FILIP1: variants seen among roughly 807,000 people sequenced by gnomAD.
FILIP1 encodes the protein filamin-A-interacting protein 1.
In FILIP1, 61 loss-of-function variants were observed where a neutral mutation model predicts 102.1. The observed-to-expected ratio is 0.60, with a 90% confidence interval of 0.49 to 0.74. FILIP1 has a LOEUF of 0.74. Among genes scored for constraint, FILIP1 ranks in the 30% least tolerant of loss-of-function variants. The probability of loss-of-function intolerance (pLI) is 0.00; values close to 1 mark genes in which losing one functional copy is unlikely to be tolerated. For missense variants in FILIP1, 1,314 were observed against 1,441.2 expected (o/e 0.91, Z 1.43); for synonymous variants, 491 against 526.9 (o/e 0.93, Z 0.93).
At chr6:75,388,317 T>C (rs762561902) in intron 2 of FILIP1, among the ~76,000 whole-genome samples, 16 of 152,232 alleles carry the variant, frequency 1.1e-4, no homozygotes, top group Non-Finnish European at 2.2e-4. Flanking sequence ...GATAGCGTGA[T>C]GCCTCCAGCT....
At chr6:75,367,444 T>G (rs1406905837) in intron 2 of FILIP1, 1 of 152,216 alleles carries the variant, frequency 6.6e-6, no homozygotes, top group Non-Finnish European at 1.5e-5. Flanking sequence ...AAGACCAGCC[T>G]GGCCAACATA....
chr6:75,373,885 T>C (rs1447433289), intron 2 of FILIP1, among the ~76,000 whole-genome samples: 2 of 152,130 alleles, frequency 1.3e-5, no homozygotes, highest in Non-Finnish European at 2.9e-5. Flanking sequence ...GGCCTGTGCC[T>C]GTATTCCCAG....
intron 2 of FILIP1, among the ~76,000 whole-genome samples, chr6:75,393,430 T>TA (rs1222158099): frequency 1.3e-5 from 2 of 152,136 alleles, no homozygotes; most frequent in Non-Finnish European, 2.9e-5. Context: ...ATCTTTTAAG[T>TA]AAAAAGCCAA....
Position 75,328,573 on chromosome 6 carries a change from C to T in FILIP1, c.630-13371G>A, listed in dbSNP as rs535108911. ...CAGTGACATGATCTCACTGCAACTT[C>T]GGCCTCCCGGGTTTAAGCAATTCTC... On this transcript the variant is annotated intron_variant, in intron 4 of 5. Coordinates refer to ENST00000237172, the MANE Select transcript of FILIP1 (RefSeq NM_015687.5). Among the ~76,000 whole-genome samples the T allele has an allele frequency of 5.3e-5, 8 of 152,312 alleles. No homozygotes were observed. The East Asian group carries it at 7.7e-4, about 15-fold the overall frequency.
rs66500271 is a variant in FILIP1 at position 75,476,240 on chromosome 6, C to CA, written c.-7+17173dup. ...TGGGCGACAGAGCAAGACTCCATCT[C>CA]AAAAAAAAAAAAAAAAAAGTGACAT... On this transcript the variant is annotated intron_variant, in intron 1 of 5. Coordinates refer to ENST00000237172, the MANE Select transcript of FILIP1 (RefSeq NM_015687.5). 1.4e-3 allele frequency among the ~76,000 whole-genome samples: 166 copies of CA among 122,646 alleles called. 1 individual carries two copies. In the East Asian group the frequency reaches 0.023, roughly 17 times the overall value. 80.5% of individuals were successfully genotyped at this position (122,646 alleles called of 152,430 possible). A position where few individuals can be genotyped will look rare whatever the true frequency, so the allele number is the denominator to read the frequency against.
At chr6:75,441,101 CTGGTT>C (rs1209360673) in intron 1 of FILIP1, among the ~76,000 whole-genome samples, 1 of 151,288 alleles carries the variant, frequency 6.6e-6, no homozygotes, top group Non-Finnish European at 1.5e-5. Flanking sequence ...ACAAAGGTCT[CTGGTT>C]TTCCTAGGCA....
chr6:75,316,207 G>T (rs778853417), intron 4 of FILIP1, among the ~76,000 whole-genome samples: 2 of 152,084 alleles, frequency 1.3e-5, no homozygotes, highest in Non-Finnish European at 2.9e-5. Context: ...CAGTTAACTT[G>T]TACTAATTTT....
chr6:75,347,354 T>A (rs1288850283), intron 4 of FILIP1, among the ~76,000 whole-genome samples: 3 of 152,234 alleles, frequency 2.0e-5, no homozygotes. Context: ...CAGAGGTCAA[T>A]AAAAGTTAAC....
intron 1 of FILIP1, among the ~76,000 whole-genome samples, chr6:75,421,991 G>A (rs1387016675): frequency 6.6e-6 from 1 of 151,996 alleles, no homozygotes; most frequent in Non-Finnish European, 1.5e-5. Context: ...CTCACTTCCA[G>A]TATCTATAAC....
At position 75,346,334 on chromosome 6, in the gene FILIP1, T is replaced by C. The variant is rs115479485; in HGVS notation, c.629+7205A>G. ...ATTTTCCTAGGCATCCTTGTTAACATTATAATACTAAGACTTTAAAGAGTC... is the reference window on the plus strand; with the variant it reads ...ATTTTCCTAGGCATCCTTGTTAACACTATAATACTAAGACTTTAAAGAGTC... On this transcript the variant is annotated intron_variant, in intron 4 of 5. Transcript: ENST00000237172. Among the ~76,000 whole-genome samples the C allele has an allele frequency of 1.2e-3, 180 of 152,312 alleles. 1 individual carries two copies. The highest frequency in any genetic ancestry group is 4.1e-3 in the African/African-American group (169 of 41,564).
intron 4 of FILIP1, among the ~76,000 whole-genome samples, chr6:75,321,002 G>T (rs1350793253): frequency 1.3e-5 from 2 of 152,100 alleles, no homozygotes; most frequent in Admixed American, 1.3e-4. Flanking sequence ...ATAGGTTTTT[G>T]TGTCACTAGT....
chr6:75,478,601 T>C (rs1779556102), intron 1 of FILIP1, among the ~76,000 whole-genome samples: 1 of 152,272 alleles, frequency 6.6e-6, no homozygotes, highest in South Asian at 2.1e-4. Flanking sequence ...ACAACAGGTA[T>C]CTTGGGAAAT....
chr6:75,311,583 G>A (rs958536740), intron 5 of FILIP1, among the ~76,000 whole-genome samples: 7 of 151,992 alleles, frequency 4.6e-5, no homozygotes, highest in East Asian at 1.9e-4. Context: ...CACAACCTCC[G>A]CCTCCTGGGC....
exon 7 of FILIP1, chr6:75,295,165 A>G (rs1772637839): frequency 6.6e-6 from 1 of 152,188 alleles, no homozygotes; most frequent in African/African-American, 2.4e-5. Flanking sequence ...TGTCAGTCGA[A>G]GCTGTTCTTA....
intron 4 of FILIP1, among the ~76,000 whole-genome samples, chr6:75,329,406 A>G (rs561202197): frequency 6.6e-6 from 1 of 152,198 alleles, no homozygotes; most frequent in East Asian, 1.9e-4. Flanking sequence ...ACTTGTCCTC[A>G]TCTTAATCCA....
intron 1 of FILIP1, among the ~76,000 whole-genome samples, chr6:75,489,100 CTGTA>C (rs932019656): frequency 6.6e-6 from 1 of 152,066 alleles, no homozygotes; most frequent in Admixed American, 6.6e-5. Context: ...GTCTTCATTG[CTGTA>C]CATTACCCAG....
intron 1 of FILIP1, chr6:75,454,837 C>G (rs576795315): frequency 6.6e-6 from 1 of 152,144 alleles, no homozygotes; most frequent in Non-Finnish European, 1.5e-5. Flanking sequence ...AATTTATTCT[C>G]ATCTTTGTCC....
intron 4 of FILIP1, among the ~76,000 whole-genome samples, chr6:75,349,893 A>T (rs555941764): frequency 6.6e-6 from 1 of 152,326 alleles, no homozygotes; most frequent in Non-Finnish European, 1.5e-5. Flanking sequence ...TCATAAGTAG[A>T]TCTAATTATG....
chr6:75,418,968 C>A (rs915836486), intron 1 of FILIP1, among the ~76,000 whole-genome samples: 58 of 151,934 alleles, frequency 3.8e-4, no homozygotes, highest in African/African-American at 1.3e-3. Context: ...ATCTATGGTC[C>A]TCTCTCCTTT....
Sources: gnomAD v4.1 joint callset for allele counts (sites outside exome capture counted in the v4.1 genomes callset) on GRCh38, gnomAD v4.1.1 for gene constraint, MANE v1.5 for transcripts, NCBI Gene and HGNC (gene_info 2026-07-23, HGNC 2026-07-21) for gene names.